AUTS2: variants seen among roughly 807,000 people sequenced by gnomAD.
The protein encoded by AUTS2 is autism susceptibility gene 2 protein.
In AUTS2, 17 loss-of-function variants were observed where a neutral mutation model predicts 112.4. That is an observed-to-expected ratio of 0.15 (90% CI 0.10 to 0.23). The LOEUF (loss-of-function observed/expected upper bound fraction) is 0.23. AUTS2 is among the 10% of genes least tolerant of loss of function. The probability of loss-of-function intolerance (pLI) is 1.00; values close to 1 mark genes in which losing one functional copy is unlikely to be tolerated. For missense variants in AUTS2, 1,510 were observed against 1,701.6 expected (o/e 0.89, Z 1.98); for synonymous variants, 751 against 702.7 (o/e 1.07, Z -1.09).
At chr7:70,421,251 G>GAAAATATTA in intron 4 of AUTS2, among the ~76,000 whole-genome samples, 1 of 151,944 alleles carries the variant, frequency 6.6e-6, no homozygotes, top group Non-Finnish European at 1.5e-5. Context: ...AAGGTATTTA[G>GAAAATATTA]AAAATATTAA....
chr7:69,676,407 A>G (rs921154927), intron 1 of AUTS2, among the ~76,000 whole-genome samples: 1 of 152,224 alleles, frequency 6.6e-6, no homozygotes, highest in African/African-American at 2.4e-5. Flanking sequence ...TGCTGAGGCA[A>G]GGCCATGTCC....
intron 2 of AUTS2, among the ~76,000 whole-genome samples, chr7:69,901,310 G>T (rs549298460): frequency 6.6e-6 from 1 of 151,964 alleles, no homozygotes; most frequent in Admixed American, 6.6e-5. Flanking sequence ...AGCAGGGTAA[G>T]AAGGAAGCCT....
chr7:69,980,973 A>G (rs1266737384), intron 2 of AUTS2, among the ~76,000 whole-genome samples: 1 of 152,232 alleles, frequency 6.6e-6, no homozygotes, highest in Non-Finnish European at 1.5e-5. Flanking sequence ...ACTTACACAT[A>G]CATGAATAAT....
Position 70,766,304 on chromosome 7 carries a change from C to T in AUTS2, c.1659C>T (p.Thr553=), listed in dbSNP as rs146990635. ...FTPFPHAIPP[T]AIMPTPAPPM... is the part of the protein sequence containing the mutation. ...CGTTCCCCCACGCCATCCCACCCAC[C>T]GCCATCATGCCGACGCCAGCACCTC... is the stretch of plus-strand genomic sequence containing the variant. Residue 553 remains threonine (T), a synonymous_variant, in exon 9 of 19, where the codon ACC becomes ACT. Transcript: ENST00000342771. This position sits in a 1 kb window ranked among gnomAD's most constrained non-coding sequence, Gnocchi z 4.8. The T allele has an allele frequency of 9.4e-5, 152 of 1,614,120 alleles. No homozygotes were observed. The African/African-American group carries it at 1.8e-3, about 19-fold the overall frequency.
chr7:70,755,080 A>C (rs1027098826), intron 6 of AUTS2, among the ~76,000 whole-genome samples: 1 of 152,096 alleles, frequency 6.6e-6, no homozygotes, highest in African/African-American at 2.4e-5. Context: ...AATAATACCC[A>C]GTTAGAACCA....
At chr7:69,768,992 C>T (rs1316013212) in intron 1 of AUTS2, among the ~76,000 whole-genome samples, 2 of 152,198 alleles carry the variant, frequency 1.3e-5, no homozygotes, top group African/African-American at 2.4e-5. Flanking sequence ...TGTTTATACT[C>T]TTTCTCCCAT....
At chr7:69,798,635 C>G (rs1346342918) in intron 1 of AUTS2, among the ~76,000 whole-genome samples, 1 of 152,108 alleles carries the variant, frequency 6.6e-6, no homozygotes, top group Non-Finnish European at 1.5e-5. Flanking sequence ...AAGTCTTGTG[C>G]ACCATTAGTG....
At chr7:70,452,910 G>T (rs1472774434) in intron 5 of AUTS2, among the ~76,000 whole-genome samples, 1 of 152,118 alleles carries the variant, frequency 6.6e-6, no homozygotes, top group Non-Finnish European at 1.5e-5. Context: ...CTTTAGAGGA[G>T]GCTTTTAACT....
intron 5 of AUTS2, among the ~76,000 whole-genome samples, chr7:70,441,599 C>CTG (rs1302809106): frequency 6.6e-6 from 1 of 152,198 alleles, no homozygotes; most frequent in Non-Finnish European, 1.5e-5. Context: ...GTTGCCCACA[C>CTG]TGGTCTCAAA....
intron 2 of AUTS2, among the ~76,000 whole-genome samples, chr7:70,115,262 G>A (rs1375050120): frequency 6.6e-6 from 1 of 152,174 alleles, no homozygotes; most frequent in East Asian, 1.9e-4. Flanking sequence ...TGGATATTAG[G>A]AAAAGCCTTG....
intron 5 of AUTS2, among the ~76,000 whole-genome samples, chr7:70,447,454 T>C (rs892851196): frequency 1.8e-4 from 27 of 152,366 alleles, no homozygotes; most frequent in Admixed American, 1.4e-3. Context: ...AGATGTGCTA[T>C]ACATATGTTG....
intron 1 of AUTS2, among the ~76,000 whole-genome samples, chr7:69,700,323 AT>A (rs887906486): frequency 2.7e-4 from 40 of 150,454 alleles, no homozygotes; most frequent in African/African-American, 9.0e-4. Context: ...GATTATTGCT[AT>A]TTTTTTTTAA....
chr7:70,607,024 G>A (rs1803817572), intron 5 of AUTS2, among the ~76,000 whole-genome samples: 2 of 152,134 alleles, frequency 1.3e-5, no homozygotes, highest in African/African-American at 2.4e-5. Context: ...TCCCACCTGG[G>A]CAGAGTTAGA....
chr7:70,274,630 A>AAG (rs1478629870), intron 4 of AUTS2, among the ~76,000 whole-genome samples: 5 of 152,068 alleles, frequency 3.3e-5, no homozygotes, highest in East Asian at 3.9e-4. Flanking sequence ...GTGAGTGAGA[A>AAG]AGAGAGAGAG....
chr7:70,741,114 A>AT (rs1193765198), intron 6 of AUTS2, among the ~76,000 whole-genome samples: 2 of 152,004 alleles, frequency 1.3e-5, no homozygotes, highest in South Asian at 2.1e-4. Context: ...AAAAATAAAA[A>AT]AAAAAAAGAA....
intron 1 of AUTS2, among the ~76,000 whole-genome samples, chr7:69,666,694 G>A (rs537057347): frequency 5.5e-4 from 83 of 152,174 alleles, no homozygotes; most frequent in African/African-American, 2.0e-3. Flanking sequence ...TTGAGCTCAG[G>A]AGTTCCAGAC....
At chr7:70,372,439 G>C (rs1792881147) in intron 4 of AUTS2, among the ~76,000 whole-genome samples, 1 of 152,098 alleles carries the variant, frequency 6.6e-6, no homozygotes, top group South Asian at 2.1e-4. Flanking sequence ...ACTAGGCACT[G>C]GTTGTATTTA....
At position 70,326,574 on chromosome 7, in the gene AUTS2, G is replaced by A. The variant is rs571844227; in HGVS notation, c.661-109178G>A. The stretch of plus-strand genomic sequence containing the variant: ...GGGCTAAGGTTGGTCATGGCTCTAG[G>A]TTTGGTTTACCTTATTGGCTAGAAG... On this transcript the variant is annotated intron_variant, in intron 4 of 18. Coordinates refer to ENST00000342771, the MANE Select transcript of AUTS2 (RefSeq NM_015570.4). Among the ~76,000 whole-genome samples, 7 of 152,300 alleles carry A rather than the reference G, an allele frequency of 4.6e-5. No homozygotes were observed. The South Asian group carries it at 1.2e-3, about 27-fold the overall frequency.
At chr7:70,173,965 T>C (rs1808848146) in intron 4 of AUTS2, among the ~76,000 whole-genome samples, 1 of 152,082 alleles carries the variant, frequency 6.6e-6, no homozygotes, top group Non-Finnish European at 1.5e-5. Flanking sequence ...CTCTAAGTGT[T>C]TGAGTGAAAA....
Sources: gnomAD v4.1 joint callset for allele counts (sites outside exome capture counted in the v4.1 genomes callset) on GRCh38, gnomAD v4.1.1 for gene constraint, Gnocchi (gnomAD v3.1) non-coding constraint, MANE v1.5 for transcripts, NCBI Gene and HGNC (gene_info 2026-07-23, HGNC 2026-07-21) for gene names.